JPT1: variants seen among roughly 807,000 people sequenced by gnomAD.
JPT1 encodes androgen-regulated protein 2.
JPT1 carries 5 observed loss-of-function variants against 17.0 expected under a neutral mutation model. The observed-to-expected ratio is 0.29, with a 90% confidence interval of 0.15 to 0.62. The LOEUF (loss-of-function observed/expected upper bound fraction) is 0.62. Ranked by LOEUF, JPT1 falls within the 20% of genes least tolerant of loss-of-function variation. JPT1 has a pLI of 0.85. For synonymous variants in JPT1, 71 were observed against 73.6 expected, an observed-to-expected ratio of 0.96 and a Z score of 0.18; for missense variants, 158 against 188.1, an observed-to-expected ratio of 0.84 and a Z score of 0.94.
chr17:75,144,567 G>A (rs2074387971), intron 4 of JPT1, among the ~76,000 whole-genome samples: 1 of 152,092 alleles, frequency 6.6e-6, no homozygotes, highest in East Asian at 1.9e-4. Context: ...AAACATAAGT[G>A]TTTCCCTGAG....
chr17:75,149,670 A>G (rs2145192106), intron 1 of JPT1, among the ~76,000 whole-genome samples: 1 of 152,276 alleles, frequency 6.6e-6, no homozygotes, highest in East Asian at 1.9e-4. Flanking sequence ...CCCAGCCAAA[A>G]AAAGTAAATA....
rs148410576 is a variant in JPT1, at chr17:75,144,914, A to C, written c.316+1752T>G. 8.5e-5 allele frequency among the ~76,000 whole-genome samples: 13 copies of C among 152,220 alleles called. No individual in the cohort carries two copies. In the East Asian group the frequency reaches 2.5e-3, roughly 29 times the overall value. On this transcript the variant is annotated intron_variant, in intron 4 of 4. Transcript: ENST00000409753. The stretch of plus-strand genomic sequence containing the variant: ...AAACACGTTTGAGTGTTTTCCCCCT[A>C]AACAGGTCCTATAAGGAAGAACCCA...
chr17:75,150,858 T>TTTTTTTTTTTTGTTTTG (rs2074536948), intron 1 of JPT1, among the ~76,000 whole-genome samples: 3 of 142,444 alleles, frequency 2.1e-5, no homozygotes, highest in Non-Finnish European at 4.6e-5. Flanking sequence ...TTTTTTTTTT[T>TTTTTTTTTTTTGTTTTG]TTTTTTTTTT....
intron 4 of JPT1, among the ~76,000 whole-genome samples, chr17:75,137,265 A>G (rs927806932): frequency 2.6e-5 from 4 of 152,052 alleles, no homozygotes; most frequent in African/African-American, 4.8e-5. Context: ...CAAAAATTCT[A>G]TATTTTCTAT....
chr17:75,141,633 C>A (rs2074310437), intron 4 of JPT1, among the ~76,000 whole-genome samples: 1 of 150,482 alleles, frequency 6.6e-6, no homozygotes, highest in Admixed American at 6.6e-5. Context: ...AGCCTGGCGA[C>A]AGAGTGAGAC....
intron 4 of JPT1, among the ~76,000 whole-genome samples, chr17:75,136,451 T>G (rs1268562360): frequency 6.6e-6 from 1 of 152,200 alleles, no homozygotes. Context: ...TTGTTTATGT[T>G]CTTTTCTAAA....
intron 4 of JPT1, among the ~76,000 whole-genome samples, chr17:75,143,958 G>A (rs779038759): frequency 2.0e-5 from 3 of 152,162 alleles, no homozygotes; most frequent in Admixed American, 6.6e-5. Context: ...AGGAGGTTGA[G>A]GCTATAGTGA....
At chr17:75,149,320 A>G (rs1441076718) in intron 1 of JPT1, 1 of 261,388 alleles carries the variant, frequency 3.8e-6, no homozygotes, top group Non-Finnish European at 7.7e-6. Flanking sequence ...ACACCGCTGA[A>G]CTCCAGCCTG....
intron 4 of JPT1, among the ~76,000 whole-genome samples, chr17:75,140,879 A>G (rs1391017497): frequency 6.6e-6 from 1 of 152,038 alleles, no homozygotes; most frequent in Non-Finnish European, 1.5e-5. Flanking sequence ...ATCACGAGGT[A>G]AGGAGTTCGA....
rs2074601273 is a variant in JPT1 at position 75,154,330 on chromosome 17, C to G, written c.56+12G>C. 1.9e-6 allele frequency: 3 copies of G among 1,542,078 alleles called. No homozygotes were observed. The highest frequency in any genetic ancestry group is 5.0e-5 in the East Asian group (2 of 39,950). ...AGCCCCGCGCGGCTCGGGCGCGACCCGGTCGCCTCACCGGGAGCTATTCCT... is the reference window on the plus strand; with the variant it reads ...AGCCCCGCGCGGCTCGGGCGCGACCGGGTCGCCTCACCGGGAGCTATTCCT... On this transcript the variant is annotated intron_variant, in intron 1 of 4. Coordinates refer to ENST00000409753, the MANE Select transcript of JPT1 (RefSeq NM_016185.4).
At chr17:75,150,294 C>G (rs2074523286) in intron 1 of JPT1, among the ~76,000 whole-genome samples, 1 of 151,730 alleles carries the variant, frequency 6.6e-6, no homozygotes, top group Non-Finnish European at 1.5e-5. Flanking sequence ...GCTCTTGTCG[C>G]CCAGGCTAGA....
chr17:75,143,210 T>C (rs868084108), intron 4 of JPT1, among the ~76,000 whole-genome samples: 11 of 152,304 alleles, frequency 7.2e-5, no homozygotes, highest in South Asian at 2.1e-4. Flanking sequence ...ACCTTTTTTG[T>C]CTAATCGTAT....
At position 75,135,813 on chromosome 17, in the gene JPT1, C is replaced by T; in HGVS notation, c.*289G>A. On this transcript the variant is annotated 3_prime_UTR_variant, in exon 5 of 5. Coordinates refer to ENST00000409753, the MANE Select transcript of JPT1 (RefSeq NM_016185.4). ...TGTTAAAAACCTCAGTACAAAAGAT[C>T]CTCTAACACATCTGGAACCAAATTA... The T allele has an allele frequency of 1.7e-6, 1 of 584,760 alleles. No homozygotes were observed. 36.2% of individuals were successfully genotyped at this position (584,760 alleles called of 1,614,324 possible).
chr17:75,148,685 C>A lies in JPT1; in HGVS notation c.57-14G>T, dbSNP rs1402240144. 2 of 1,613,248 alleles carry A rather than the reference C, an allele frequency of 1.2e-6. No individual in the cohort carries two copies. The highest frequency in any genetic ancestry group is 3.3e-4 in the Middle Eastern group (2 of 6,060). Reference sequence around the variant, plus strand: ...GGCCGCAAAACTCTGCAAATAATGGCAAAACATCAACTTCAGATCATACTG... The same window carrying A: ...GGCCGCAAAACTCTGCAAATAATGGAAAAACATCAACTTCAGATCATACTG... On this transcript the variant is annotated splice_polypyrimidine_tract_variant and intron_variant, in intron 1 of 4. Coordinates refer to ENST00000409753, the MANE Select transcript of JPT1 (RefSeq NM_016185.4).
At chr17:75,137,172 C>T (rs2074214361) in intron 4 of JPT1, among the ~76,000 whole-genome samples, 1 of 152,070 alleles carries the variant, frequency 6.6e-6, no homozygotes, top group Non-Finnish European at 1.5e-5. Flanking sequence ...AAACTGGAAC[C>T]CATCCAATTT....
intron 1 of JPT1, among the ~76,000 whole-genome samples, chr17:75,150,113 G>A (rs536945645): frequency 6.6e-6 from 1 of 152,120 alleles, no homozygotes; most frequent in South Asian, 2.1e-4. Flanking sequence ...GTTCAACATG[G>A]TAATATATTT....
At chr17:75,148,470 C>T in intron 2 of JPT1, 59 bp downstream of exon 2, 4 of 1,585,170 alleles carry the variant, frequency 2.5e-6, no homozygotes, top group Non-Finnish European at 3.4e-6. Flanking sequence ...CAAGCTGCAT[C>T]TGTGGCTGTT....
intron 1 of JPT1, among the ~76,000 whole-genome samples, chr17:75,149,558 G>A (rs868302948): frequency 9.2e-5 from 14 of 151,860 alleles, no homozygotes; most frequent in African/African-American, 2.9e-4. Context: ...TAGTAGAGAC[G>A]GGGTTTCACC....
At chr17:75,151,924 G>A (rs1366402318) in intron 1 of JPT1, among the ~76,000 whole-genome samples, 1 of 150,538 alleles carries the variant, frequency 6.6e-6, no homozygotes, top group Admixed American at 6.6e-5. Context: ...AGCAGAGATT[G>A]TGCCACTGCA....
Sources: gnomAD v4.1 joint callset for allele counts (sites outside exome capture counted in the v4.1 genomes callset) on GRCh38, gnomAD v4.1.1 for gene constraint, MANE v1.5 for transcripts, NCBI Gene and HGNC (gene_info 2026-07-23, HGNC 2026-07-21) for gene names.